LMX1A: variants seen among roughly 807,000 people sequenced by gnomAD.
LMX1A encodes the protein LIM homeobox transcription factor 1-alpha.
LMX1A carries 15 observed loss-of-function variants against 49.1 expected under a neutral mutation model. That is an observed-to-expected ratio of 0.31 (90% CI 0.20 to 0.47). LMX1A has a LOEUF of 0.47. Ranked by LOEUF, LMX1A falls within the 20% of genes least tolerant of loss-of-function variation. The pLI, the probability that LMX1A is intolerant of heterozygous loss-of-function variation, is 1.00. For missense variants in LMX1A, 372 were observed against 475.8 expected, an observed-to-expected ratio of 0.78 and a Z score of 2.03; for synonymous variants, 167 against 185.7, an observed-to-expected ratio of 0.90 and a Z score of 0.82.
At chr1:165,206,519 A>G (rs1651087520) in intron 7 of LMX1A, among the ~76,000 whole-genome samples, 1 of 152,216 alleles carries the variant, frequency 6.6e-6, no homozygotes, top group East Asian at 1.9e-4. Context: ...CCTGGGAAGA[A>G]CAGAGACTAT....
intron 3 of LMX1A, among the ~76,000 whole-genome samples, chr1:165,329,017 T>A (rs1655663912): frequency 6.6e-6 from 1 of 152,212 alleles, no homozygotes; most frequent in African/African-American, 2.4e-5. Flanking sequence ...CACACTGCTA[T>A]GAAGAACTTC....
intron 3 of LMX1A, among the ~76,000 whole-genome samples, chr1:165,345,388 T>C (rs1656210146): frequency 6.6e-6 from 1 of 152,174 alleles, no homozygotes; most frequent in African/African-American, 2.4e-5. Context: ...AAGTGTGATG[T>C]TCAGAGAAGC....
At position 165,309,316 on chromosome 1, in the gene LMX1A, CT is replaced by C. The variant is rs996575919; in HGVS notation, c.263+43759del. On this transcript the variant is annotated intron_variant, in intron 3 of 8. Transcript: ENST00000342310. ...TCCATTTTCTGATACATGGGATCAA[CT>C]TTAATAACAAAAACCTGGCAGGGAA... is the stretch of plus-strand genomic sequence containing the variant. Among the ~76,000 whole-genome samples, 7 of 152,308 alleles carry C rather than the reference CT, an allele frequency of 4.6e-5. 1 individual carries two copies. Among genetic ancestry groups the C allele is most frequent in the African/African-American group, 1.7e-4 (7 of 41,570 alleles).
chr1:165,319,504 A>AATAAATAT (rs1408500704), intron 3 of LMX1A, among the ~76,000 whole-genome samples: 4 of 152,128 alleles, frequency 2.6e-5, no homozygotes, highest in Non-Finnish European at 5.9e-5. Flanking sequence ...AGATATGATA[A>AATAAATAT]ATAAATATAT....
intron 3 of LMX1A, among the ~76,000 whole-genome samples, chr1:165,285,635 C>G (rs1654283651): frequency 6.6e-6 from 1 of 152,216 alleles, no homozygotes; most frequent in Admixed American, 6.5e-5. Context: ...ACCATCTCCA[C>G]TGAGGAACAA....
chr1:165,283,776 A>G (rs879630048), intron 3 of LMX1A, among the ~76,000 whole-genome samples: 13 of 152,230 alleles, frequency 8.5e-5, no homozygotes, highest in Non-Finnish European at 1.3e-4. Flanking sequence ...TTTCAAATGT[A>G]TGGTCTTCTA....
chr1:165,292,635 T>C (rs557973675), intron 3 of LMX1A, among the ~76,000 whole-genome samples: 6 of 152,344 alleles, frequency 3.9e-5, no homozygotes, highest in Admixed American at 2.6e-4. Flanking sequence ...TATTTCACTT[T>C]ATTTCCTCCA....
chr1:165,210,888 T>C (rs939416825), intron 5 of LMX1A, 112 bp from the exon 6 acceptor site: 7 of 581,400 alleles, frequency 1.2e-5, no homozygotes, highest in African/African-American at 9.5e-5. Context: ...CTTTAGGAGC[T>C]GAATAGTTTT....
chr1:165,292,061 CA>C lies in LMX1A; in HGVS notation c.264-42422del, dbSNP rs771664986. On this transcript the variant is annotated intron_variant, in intron 3 of 8. Coordinates refer to ENST00000342310, the MANE Select transcript of LMX1A (RefSeq NM_177398.4). The stretch of plus-strand genomic sequence containing the variant: ...TGGGCGACAGAGCGAAACTCCGTCT[CA>C]AAAAAAAAAAAAAAAAAAAAAAACA... Among the ~76,000 whole-genome samples, 677 of 82,468 alleles carry C rather than the reference CA, an allele frequency of 8.2e-3. 2 individuals carry two copies. Among genetic ancestry groups the C allele is most frequent in the East Asian group, 0.053 (123 of 2,324 alleles). The allele number at this position is 82,468 out of a possible 152,430, so 54.1% of individuals were successfully genotyped here. A position where few individuals can be genotyped will look rare whatever the true frequency, so the allele number is the denominator to read the frequency against.
chr1:165,277,205 T>C (rs1653996084), intron 3 of LMX1A, among the ~76,000 whole-genome samples: 1 of 152,156 alleles, frequency 6.6e-6, no homozygotes, highest in African/African-American at 2.4e-5. Flanking sequence ...ACTGGGCTGG[T>C]GGAACTGCAA....
At chr1:165,313,529 T>C (rs964468688) in intron 3 of LMX1A, among the ~76,000 whole-genome samples, 1 of 145,418 alleles carries the variant, frequency 6.9e-6, no homozygotes. Flanking sequence ...GGTTGGATAA[T>C]AGAGAAGAGT....
At chr1:165,273,344 C>T (rs1276657073) in intron 3 of LMX1A, among the ~76,000 whole-genome samples, 1 of 152,150 alleles carries the variant, frequency 6.6e-6, no homozygotes, top group African/African-American at 2.4e-5. Flanking sequence ...TCAAGCAACC[C>T]AATATCCCTC....
chr1:165,287,745 G>T (rs1164577454), intron 3 of LMX1A, among the ~76,000 whole-genome samples: 1 of 152,064 alleles, frequency 6.6e-6, no homozygotes, highest in East Asian at 1.9e-4. Flanking sequence ...CATGTTCCAA[G>T]ATGGCTCTTG....
chr1:165,327,444 T>C (rs914010649), intron 3 of LMX1A, among the ~76,000 whole-genome samples: 1 of 152,182 alleles, frequency 6.6e-6, no homozygotes, highest in Non-Finnish European at 1.5e-5. Flanking sequence ...AAAGAGCTAC[T>C]GAAGATGGCC....
At chr1:165,247,818 T>C (rs1652913172) in intron 4 of LMX1A, among the ~76,000 whole-genome samples, 2 of 151,822 alleles carry the variant, frequency 1.3e-5, no homozygotes, top group Admixed American at 1.3e-4. Flanking sequence ...CTTAGAGAGG[T>C]TCCAAAATTT....
rs895860723 is a variant in LMX1A, at chr1:165,344,956, C to T, written c.263+8120G>A. On this transcript the variant is annotated intron_variant, in intron 3 of 8. Transcript: ENST00000342310. ...CAGCTCCGACTCAGGCTCAGGCTGTCGGGTGCTCAAACAAAGACATATTCG... is the reference window on the plus strand; with the variant it reads ...CAGCTCCGACTCAGGCTCAGGCTGTTGGGTGCTCAAACAAAGACATATTCG... Among the ~76,000 whole-genome samples, 8 of 152,172 alleles carry T rather than the reference C, an allele frequency of 5.3e-5. No homozygotes were observed. In the East Asian group the frequency reaches 7.7e-4, roughly 15 times the overall value.
intron 3 of LMX1A, among the ~76,000 whole-genome samples, chr1:165,261,631 C>A (rs1653443582): frequency 6.6e-6 from 1 of 152,122 alleles, no homozygotes; most frequent in Non-Finnish European, 1.5e-5. Context: ...GAGGTGAAAG[C>A]AGCTCAGGTG....
chr1:165,215,274 A>AG, intron 4 of LMX1A, among the ~76,000 whole-genome samples: 1 of 152,206 alleles, frequency 6.6e-6, no homozygotes, highest in South Asian at 2.1e-4. Context: ...AGATCACGCC[A>AG]CTGTACTCCA....
chr1:165,318,341 G>T (rs894631358), intron 3 of LMX1A, among the ~76,000 whole-genome samples: 3 of 152,208 alleles, frequency 2.0e-5, no homozygotes, highest in Non-Finnish European at 2.9e-5. Flanking sequence ...CATCCTCCCA[G>T]GTAGCTGAGA....
Sources: allele counts gnomAD v4.1 joint callset (sites outside exome capture counted in the v4.1 genomes callset), GRCh38; gene constraint gnomAD v4.1.1; transcripts MANE v1.5; gene names NCBI Gene and HGNC (gene_info 2026-07-23, HGNC 2026-07-21).